ITPR1: variants seen among roughly 807,000 people sequenced by gnomAD.
The protein encoded by ITPR1 is inositol 1,4,5-trisphosphate-gated calcium channel ITPR1.
A neutral mutation model predicts 318.4 loss-of-function variants in ITPR1; 96 were observed. That is an observed-to-expected ratio of 0.30 (90% CI 0.26 to 0.36). The LOEUF is 0.36. ITPR1 is among the 10% of genes least tolerant of loss of function. The pLI is 1.00. For synonymous variants in ITPR1, 1,312 were observed against 1,289.9 expected (o/e 1.02, Z -0.37); for missense variants, 2,440 against 3,460.2 (o/e 0.71, Z 7.40).
At chr3:4,748,265 C>G (rs1429203739) in intron 44 of ITPR1, among the ~76,000 whole-genome samples, 2 of 152,200 alleles carry the variant, frequency 1.3e-5, no homozygotes, top group African/African-American at 2.4e-5. Context: ...TGTGAGGGAG[C>G]TATTCAGTGC....
intron 44 of ITPR1, among the ~76,000 whole-genome samples, chr3:4,755,921 G>T (rs1435039543): frequency 6.6e-6 from 1 of 152,170 alleles, no homozygotes; most frequent in African/African-American, 2.4e-5. Context: ...CTACTTGGAA[G>T]TCTATGTTAT....
At chr3:4,668,848 T>A (rs1324007988) in intron 18 of ITPR1, among the ~76,000 whole-genome samples, 1 of 152,216 alleles carries the variant, frequency 6.6e-6, no homozygotes, top group Non-Finnish European at 1.5e-5. Flanking sequence ...GCAAGTTCAG[T>A]TGTTGGTTGA....
At chr3:4,745,367 G>C (rs554877110) in intron 44 of ITPR1, among the ~76,000 whole-genome samples, 1 of 152,194 alleles carries the variant, frequency 6.6e-6, no homozygotes, top group Admixed American at 6.5e-5. Context: ...ACATTCCTTA[G>C]GAAATTGTAT....
At chr3:4,727,014 T>C (rs2042566078) in intron 41 of ITPR1, 112 bp from the exon 42 acceptor site, 6 of 864,686 alleles carry the variant, frequency 6.9e-6, no homozygotes, top group Admixed American at 2.0e-5. Context: ...TCTCCTTTTG[T>C]GTAACTCTTG....
intron 52 of ITPR1, among the ~76,000 whole-genome samples, chr3:4,791,551 C>A (rs2047555764): frequency 6.6e-6 from 1 of 152,196 alleles, no homozygotes; most frequent in Admixed American, 6.5e-5. Flanking sequence ...TGCTGTGCTG[C>A]CCAGTTCATA....
intron 52 of ITPR1, among the ~76,000 whole-genome samples, chr3:4,789,854 G>T (rs545466079): frequency 6.6e-6 from 1 of 152,276 alleles, no homozygotes; most frequent in East Asian, 1.9e-4. Context: ...TCCTGACCTT[G>T]TGATCCATCC....
rs764949839 is a variant in ITPR1, at chr3:4,779,939, C to T, written c.6387+294C>T. Among the ~76,000 whole-genome samples, 19 of 151,624 alleles carry T rather than the reference C, an allele frequency of 1.3e-4. No homozygotes were observed. Among genetic ancestry groups the T allele is most frequent in the Non-Finnish European group, 1.8e-4 (12 of 67,898 alleles). On this transcript the variant is annotated intron_variant, in intron 49 of 61. Coordinates refer to ENST00000649015, the MANE Select transcript of ITPR1 (RefSeq NM_001378452.1). The surrounding 1 kb of genome is among the most constrained non-coding windows in gnomAD (Gnocchi z 4.0). ...GCACCAACCTATATGACATTGAATA[C>T]GTGCTGTTTTACCCTCTCCCTTTGG...
At position 4,733,170 on chromosome 3, in the gene ITPR1, T is replaced by G. The variant is rs371697516; in HGVS notation, c.5303T>G (p.Phe1768Cys). The change falls in exon 43 of 62, where the codon TTT becomes TGT. Residue 1768 changes from phenylalanine (F) to cysteine (C), a missense_variant. By Grantham distance (205) the Phe-to-Cys change is radical. Around this residue, in one of 23 missense-constraint regions of ITPR1, gnomAD observed 166 missense variants for 143.7 expected, o/e 1.16. Transcript: ENST00000649015. ...PSGRRESLTSFGNGPLSAGGP... is the reference protein window; with the variant it reads ...PSGRRESLTSCGNGPLSAGGP... ...GGACGAAGAGAGAGCCTTACCAGCT[T>G]TGGCAATGGCCCACTGTCAGCAGGA... is the stretch of plus-strand genomic sequence containing the variant. The G allele has an allele frequency of 3.1e-6, 5 of 1,613,880 alleles. No individual in the cohort carries two copies. In the African/African-American group the frequency reaches 4.0e-5, roughly 13 times the overall value.
intron 4 of ITPR1, among the ~76,000 whole-genome samples, chr3:4,561,674 C>T (rs1187352727): frequency 1.3e-5 from 2 of 151,598 alleles, no homozygotes; most frequent in Non-Finnish European, 2.9e-5. Flanking sequence ...GGCCTGGGGA[C>T]TTCTTTATTA....
rs187571979 is a variant in ITPR1, at chr3:4,813,147, G to A, written c.7474G>A (p.Gly2492Ser). The A allele has an allele frequency of 7.9e-5, 127 of 1,613,852 alleles. No homozygotes were observed. Among genetic ancestry groups the A allele is most frequent in the Middle Eastern group, 1.7e-4 (1 of 6,052 alleles). Reference sequence around the variant, plus strand: ...AATTTCCTTCTCTCTCCCAGAAACCGGCGAGAGTTTGGCAAGCGAGTTCCT... The same window carrying A: ...AATTTCCTTCTCTCTCCCAGAAACCAGCGAGAGTTTGGCAAGCGAGTTCCT... ...LPNETAVPET[G>S]ESLASEFLFS... Residue 2492 changes from glycine to serine, a missense_variant, in exon 57 of 62, where the codon GGC (glycine) becomes AGC (serine). By Grantham distance (56) the Gly-to-Ser change is moderately conservative. This residue lies in a region of ITPR1 where 88 missense variants were observed against 90.5 expected (regional missense o/e 0.97). Coordinates refer to ENST00000649015, the MANE Select transcript of ITPR1 (RefSeq NM_001378452.1).
rs980129489 is a variant in ITPR1, at chr3:4,643,600, G to A, written c.526-536G>A. ...CATAATGATAAGTATTGTTTTTTTG[G>A]GGGGGGGGTAACTTTTGTTTTAGTT... On this transcript the variant is annotated intron_variant, in intron 7 of 61. Coordinates refer to ENST00000649015, the MANE Select transcript of ITPR1 (RefSeq NM_001378452.1). 7.1e-4 allele frequency among the ~76,000 whole-genome samples: 6 copies of A among 8,480 alleles called. No individual in the cohort carries two copies. In the South Asian group the frequency reaches 0.16, roughly 223 times the overall value. The allele number at this position is 8,480 out of a possible 152,430, so 5.6% of individuals were successfully genotyped here. A position where few individuals can be genotyped will look rare whatever the true frequency, so the allele number is the denominator to read the frequency against.
rs146053408 is a variant in ITPR1 at position 4,628,274 on chromosome 3, G to A, written c.279+396G>A. Among the ~76,000 whole-genome samples, 998 of 152,280 alleles carry A rather than the reference G, an allele frequency of 6.6e-3. 3 individuals are homozygous for A. Among genetic ancestry groups the A allele is most frequent in the Middle Eastern group, 0.027 (8 of 294 alleles). ...AATGGAAATGGCAGTACCCACCTCA[G>A]GAGGTCATTGTGAGGATTACAGAAA... On this transcript the variant is annotated intron_variant, in intron 5 of 61. Coordinates refer to ENST00000649015, the MANE Select transcript of ITPR1 (RefSeq NM_001378452.1).
chr3:4,776,423 C>T (rs2046490379), intron 47 of ITPR1, among the ~76,000 whole-genome samples: 2 of 152,136 alleles, frequency 1.3e-5, no homozygotes, highest in African/African-American at 4.8e-5. Context: ...AGAGAGACGA[C>T]CAAGGCTTCA....
Position 4,729,435 on chromosome 3 carries a change from C to G in ITPR1, c.5220+2262C>G, listed in dbSNP as rs1162127862. ...GGTATTTTAAAATCCAGGCGCTACC[C>G]TCATGCCGACTAAGGTGTGAGAGGC... On this transcript the variant is annotated intron_variant, in intron 42 of 61. Transcript: ENST00000649015. Among the ~76,000 whole-genome samples, 4 of 152,196 alleles carry G rather than the reference C, an allele frequency of 2.6e-5. No homozygotes were observed. The East Asian group carries it at 7.7e-4, about 29-fold the overall frequency.
At chr3:4,641,267 T>G (rs757194289) in intron 6 of ITPR1, among the ~76,000 whole-genome samples, 1 of 152,234 alleles carries the variant, frequency 6.6e-6, no homozygotes, top group Non-Finnish European at 1.5e-5. Flanking sequence ...GTCTTCAGTC[T>G]TTCCATATTC....
At chr3:4,661,512 A>T (rs930330234) in intron 14 of ITPR1, among the ~76,000 whole-genome samples, 1 of 152,092 alleles carries the variant, frequency 6.6e-6, no homozygotes, top group African/African-American at 2.4e-5. Context: ...CAGCCCCTTT[A>T]CTTTCTCTCC....
At chr3:4,833,706 C>T (rs2050680357) in intron 60 of ITPR1, among the ~76,000 whole-genome samples, 1 of 152,222 alleles carries the variant, frequency 6.6e-6, no homozygotes, top group South Asian at 2.1e-4. Flanking sequence ...TCCAGCCACA[C>T]TGGAGCCTCA....
At chr3:4,685,244 T>C in intron 30 of ITPR1, 38 bp downstream of exon 30, 1 of 1,563,824 alleles carries the variant, frequency 6.4e-7, no homozygotes, top group Non-Finnish European at 8.6e-7. Context: ...GCTCTCAGGA[T>C]GGGGCGGATC....
intron 4 of ITPR1, among the ~76,000 whole-genome samples, chr3:4,578,058 A>G (rs1486968371): frequency 1.3e-5 from 2 of 152,242 alleles, no homozygotes; most frequent in African/African-American, 4.8e-5. Context: ...ATCTTGAAAT[A>G]TTAGCCCTTC....
Sources: allele counts gnomAD v4.1 joint callset (sites outside exome capture counted in the v4.1 genomes callset), GRCh38; gene constraint gnomAD v4.1.1; regional missense constraint gnomAD v4.1.1; non-coding constraint Gnocchi (gnomAD v3.1); transcripts MANE v1.5; gene names NCBI Gene and HGNC (gene_info 2026-07-23, HGNC 2026-07-21).